The following CFAP44 variants were observed in gnomAD, a reference collection of about 807,000 sequenced individuals.
CFAP44 encodes cilia and flagella associated protein 44.
A neutral mutation model predicts 216.2 loss-of-function variants in CFAP44; 134 were observed. The ratio of observed to expected loss-of-function variants is 0.62; its 90% confidence interval spans 0.54 to 0.72. CFAP44 has a LOEUF of 0.72. CFAP44 is among the 30% of genes least tolerant of loss of function. The pLI, the probability that CFAP44 is intolerant of heterozygous loss-of-function variation, is 0.00. For synonymous variants in CFAP44, 700 were observed against 727.6 expected (o/e 0.96, Z 0.61); for missense variants, 2,035 against 2,182.1 (o/e 0.93, Z 1.34).
rs1193893985 is a variant in CFAP44 at position 113,416,549 on chromosome 3, G to C, written c.649C>G (p.Leu217Val). ...CCTCGAAGGACTCTGTATGGTCTCA[G>C]AGAAGGATATTCATAGATGATAATA... ...PDIIIYEYPSLRPYRVLRDGT... is the reference protein window; with the variant it reads ...PDIIIYEYPSVRPYRVLRDGT... The change falls in exon 6 of 35, where the codon CTG (leucine) becomes GTG (valine). Residue 217 changes from leucine to valine, a missense_variant. Transcript: ENST00000393845. 1.9e-6 allele frequency: 3 copies of C among 1,611,642 alleles called. No individual in the cohort carries two copies.
chr3:113,392,164 G>GATGA (rs1307980310), intron 15 of CFAP44, among the ~76,000 whole-genome samples: 1 of 152,124 alleles, frequency 6.6e-6, no homozygotes, highest in Non-Finnish European at 1.5e-5. Context: ...TCCATCAACA[G>GATGA]ATGAATGGAT....
At chr3:113,372,196 A>T (rs1252532347) in intron 18 of CFAP44, among the ~76,000 whole-genome samples, 1 of 152,242 alleles carries the variant, frequency 6.6e-6, no homozygotes, top group Admixed American at 6.5e-5. Context: ...CTACAACTAG[A>T]AATACCATTT....
chr3:113,370,642 G>A (rs924280530), intron 18 of CFAP44, among the ~76,000 whole-genome samples: 7 of 152,152 alleles, frequency 4.6e-5, no homozygotes, highest in African/African-American at 1.7e-4. Flanking sequence ...TGGGCAAAGT[G>A]GAAGCATTTC....
intron 24 of CFAP44, among the ~76,000 whole-genome samples, chr3:113,335,228 A>G (rs1950272018): frequency 6.6e-6 from 1 of 152,210 alleles, no homozygotes. Context: ...GAAAATAAGC[A>G]GCATAAAACT....
chr3:113,415,153 G>T (rs1576599702), intron 6 of CFAP44, among the ~76,000 whole-genome samples: 1 of 152,128 alleles, frequency 6.6e-6, no homozygotes, highest in African/African-American at 2.4e-5. Flanking sequence ...TTTGCATAGA[G>T]GTATCTATGG....
At chr3:113,430,429 G>GAAAAAAAAA (rs754983161) in intron 2 of CFAP44, among the ~76,000 whole-genome samples, 6 of 74,200 alleles carry the variant, frequency 8.1e-5, no homozygotes, top group African/African-American at 1.3e-4. Context: ...AAAAATAAAT[G>GAAAAAAAAA]AAAAAAAAAA....
intron 28 of CFAP44, among the ~76,000 whole-genome samples, chr3:113,324,900 C>G (rs1206426103): frequency 6.6e-6 from 1 of 152,126 alleles, no homozygotes; most frequent in Admixed American, 6.5e-5. Flanking sequence ...CTATCAAAAC[C>G]TCTTAGAACT....
intron 6 of CFAP44, among the ~76,000 whole-genome samples, chr3:113,411,277 A>C (rs1934462452): frequency 6.6e-6 from 1 of 152,128 alleles, no homozygotes; most frequent in South Asian, 2.1e-4. Flanking sequence ...TTATGGTTTT[A>C]GGTCTAACAA....
intron 4 of CFAP44, among the ~76,000 whole-genome samples, chr3:113,420,587 A>T (rs1209429130): frequency 6.6e-6 from 1 of 152,218 alleles, no homozygotes; most frequent in African/African-American, 2.4e-5. Context: ...CTAAAACTAA[A>T]TCATACTGTA....
intron 6 of CFAP44, among the ~76,000 whole-genome samples, chr3:113,410,776 C>T (rs1229770480): frequency 6.6e-6 from 1 of 152,176 alleles, no homozygotes; most frequent in Admixed American, 6.5e-5. Flanking sequence ...AGTGTAAAAG[C>T]ATTCCTATTT....
Position 113,379,350 on chromosome 3 carries a change from G to A in CFAP44, c.2254C>T (p.Leu752Phe). 1 of 1,611,572 alleles carries A rather than the reference G, an allele frequency of 6.2e-7. No homozygotes were observed. Among genetic ancestry groups the A allele is most frequent in the South Asian group, 1.1e-5 (1 of 90,792 alleles). The change falls in exon 17 of 35, where the codon CTC (leucine) becomes TTC (phenylalanine). Residue 752 changes from leucine to phenylalanine, a missense_variant. This residue lies in a region of CFAP44 where 1,883 missense variants were observed against 2,023.7 expected (regional missense o/e 0.93). Coordinates refer to ENST00000393845, the MANE Select transcript of CFAP44 (RefSeq NM_001164496.2). ...CCTGGCTCTGAGTAAAATCCACAGA[G>A]GATGGGAGAGGGGGTTGACGGAATA... ...IFIPSTPSPI[L>F]CGFYSEPGKF...
intron 34 of CFAP44, 67 bp from the exon 35 acceptor site, chr3:113,291,815 C>T (rs932058365): frequency 3.4e-6 from 5 of 1,490,786 alleles, no homozygotes; most frequent in Non-Finnish European, 1.8e-6. Context: ...TGCCCTTATA[C>T]TGTGTATCTG....
chr3:113,342,396 C>T lies in CFAP44; in HGVS notation c.3263-478G>A, dbSNP rs541431848. On this transcript the variant is annotated intron_variant, in intron 23 of 34. Coordinates refer to ENST00000393845, the MANE Select transcript of CFAP44 (RefSeq NM_001164496.2). ...TTGACCAACTACTATGAATTCAACC[C>T]CATAATAAGTACTGTGGAATGTCAA... Among the ~76,000 whole-genome samples the T allele has an allele frequency of 2.0e-5, 3 of 152,072 alleles. No homozygotes were observed. In the South Asian group the frequency reaches 6.2e-4, roughly 32 times the overall value.
intron 24 of CFAP44, among the ~76,000 whole-genome samples, chr3:113,333,851 G>T (rs1318377833): frequency 6.6e-6 from 1 of 151,912 alleles, no homozygotes; most frequent in African/African-American, 2.4e-5. Flanking sequence ...GTAGGCTTTG[G>T]TTCACTTCTA....
chr3:113,325,414 CTAAA>C (rs549849129), intron 28 of CFAP44, among the ~76,000 whole-genome samples: 208 of 151,666 alleles, frequency 1.4e-3, no homozygotes, highest in African/African-American at 4.7e-3. Context: ...AACCGAGGTT[CTAAA>C]TAAATAGAGA....
In CFAP44 at chr3:113,379,300, A is replaced by G. The variant is rs1336535480; in HGVS notation, c.2298+6T>C. On this transcript the variant is annotated splice_donor_region_variant and intron_variant, in intron 17 of 34. Transcript: ENST00000393845. ...TTGAGGTAAAAATTATTACATTGTT[A>G]CTTACCAAAGAAACCCAGAACTTCC... is the stretch of plus-strand genomic sequence containing the variant. The G allele has an allele frequency of 1.3e-6, 2 of 1,546,886 alleles. No homozygotes were observed. The highest frequency in any genetic ancestry group is 1.7e-6 in the Non-Finnish European group (2 of 1,143,528).
chr3:113,425,888 G>A (rs895112602), intron 4 of CFAP44: 1 of 437,790 alleles, frequency 2.3e-6, no homozygotes, highest in East Asian at 3.5e-5. Flanking sequence ...GTAGTAAATA[G>A]TTTTTGCCTT....
At chr3:113,346,113 T>C (rs935304282) in intron 22 of CFAP44, among the ~76,000 whole-genome samples, 1 of 152,208 alleles carries the variant, frequency 6.6e-6, no homozygotes, top group Non-Finnish European at 1.5e-5. Flanking sequence ...CAATCAGTGC[T>C]CCGTGTCTAG....
chr3:113,341,108 C>T (rs1950329454), intron 24 of CFAP44, among the ~76,000 whole-genome samples: 1 of 152,186 alleles, frequency 6.6e-6, no homozygotes, highest in Admixed American at 6.5e-5. Flanking sequence ...CCAGCCACTT[C>T]TGTGTCTGCC....
Sources: gnomAD v4.1 joint callset for allele counts (sites outside exome capture counted in the v4.1 genomes callset) on GRCh38, gnomAD v4.1.1 for gene constraint, gnomAD v4.1.1 regional missense constraint, MANE v1.5 for transcripts, NCBI Gene and HGNC (gene_info 2026-07-23, HGNC 2026-07-21) for gene names.